Variants in CCND2 observed in about 807,000 individuals in gnomAD.
CCND2 encodes the protein cyclin D2, also known as G1/S-specific cyclin-D2.
Under a neutral mutation model 30.2 loss-of-function variants are expected in CCND2, and 6 were observed. The ratio of observed to expected loss-of-function variants is 0.20; its 90% CI spans 0.11 to 0.39. CCND2 has a LOEUF of 0.39. CCND2 is among the 10% of genes least tolerant of loss of function. CCND2 has a pLI of 1.00. For missense variants in CCND2, 235 were observed against 373.4 expected, an observed-to-expected ratio of 0.63 and a Z score of 3.06; for synonymous variants, 150 against 153.1, an observed-to-expected ratio of 0.98 and a Z score of 0.15.
At chr12:4,286,387 G>T (rs185250969) in intron 3 of CCND2, among the ~76,000 whole-genome samples, 1 of 152,234 alleles carries the variant, frequency 6.6e-6, no homozygotes. Flanking sequence ...ACAGTCCCAC[G>T]TCTGGACCTA....
In CCND2 at chr12:4,273,930, A is replaced by G; in HGVS notation, c.-111A>G. 4.6e-6 allele frequency: 5 copies of G among 1,079,092 alleles called. No individual in the cohort carries two copies. Among genetic ancestry groups the G allele is most frequent in the Non-Finnish European group, 6.5e-6 (5 of 764,610 alleles). The allele number at this position is 1,079,092 out of a possible 1,614,324, so 66.8% of individuals were successfully genotyped here. On this transcript the variant is annotated 5_prime_UTR_variant, in exon 1 of 5. Coordinates refer to ENST00000261254, the MANE Select transcript of CCND2 (RefSeq NM_001759.4). This position sits in a 1 kb window ranked among gnomAD's most constrained non-coding sequence, Gnocchi z 5.9. The stretch of plus-strand genomic sequence containing the variant: ...TCCCCCGAAAACCCCCTATTTAGCC[A>G]AAGGAAGGAGGTCAGGGGAACGCTC...
At position 4,287,325 on chromosome 12, in the gene CCND2, G is replaced by C. The variant is rs1385147027; in HGVS notation, c.572-1517G>C. 6.6e-6 allele frequency among the ~76,000 whole-genome samples: 1 copy of C among 152,194 alleles called. No homozygotes were observed. The highest frequency in any genetic ancestry group is 1.5e-5 in the Non-Finnish European group (1 of 68,026). ...TGGGGCAATGGGCTGACCATTAAAA[G>C]AGCTGCTGTAGAAAGTGTGTTTGTA... On this transcript the variant is annotated intron_variant, in intron 3 of 4. Transcript: ENST00000261254. This position sits in a 1 kb window ranked among gnomAD's most constrained non-coding sequence, Gnocchi z 4.0.
Position 4,302,806 on chromosome 12 carries a change from G to A in CCND2, c.*2797G>A, listed in dbSNP as rs1265952295. ...TGGGAAGTGTGTTTAGAAGGGTTCA[G>A]GACTTTGTGAGTTAGCATGACCCTA... is the stretch of plus-strand genomic sequence containing the variant. On this transcript the variant is annotated 3_prime_UTR_variant, in exon 5 of 5. Transcript: ENST00000261254. 2 of 233,224 alleles carry A rather than the reference G, an allele frequency of 8.6e-6. No homozygotes were observed. The highest frequency in any genetic ancestry group is 1.2e-4 in the East Asian group (2 of 16,608). The allele number at this position is 233,224 out of a possible 1,614,324, so 14.4% of individuals were successfully genotyped here. A position where few individuals can be genotyped will look rare whatever the true frequency, so the allele number is the denominator to read the frequency against.
In CCND2 at chr12:4,293,044, A is replaced by G. The variant is rs932123502; in HGVS notation, c.720+4054A>G. ...TAAGAGAGGAAGGGAAGAGGAAGGAAGGAGCAAAGGACAAAGGCAGGCAGA... is the reference window on the plus strand; with the variant it reads ...TAAGAGAGGAAGGGAAGAGGAAGGAGGGAGCAAAGGACAAAGGCAGGCAGA... On this transcript the variant is annotated intron_variant, in intron 4 of 4. Transcript: ENST00000261254. This position sits in a 1 kb window ranked among gnomAD's most constrained non-coding sequence, Gnocchi z 4.9. 2.3e-4 allele frequency among the ~76,000 whole-genome samples: 35 copies of G among 152,230 alleles called. No individual in the cohort carries two copies. Among genetic ancestry groups the G allele is most frequent in the African/African-American group, 7.7e-4 (32 of 41,452 alleles).
At chr12:4,277,521 C>T (rs963974684) in intron 2 of CCND2, among the ~76,000 whole-genome samples, 3 of 152,214 alleles carry the variant, frequency 2.0e-5, no homozygotes, top group Non-Finnish European at 2.9e-5. Context: ...TCATTTGTTT[C>T]GAGAGGATGG....
chr12:4,294,010 C>G (rs1864133838), intron 4 of CCND2, among the ~76,000 whole-genome samples: 1 of 152,178 alleles, frequency 6.6e-6, no homozygotes, highest in Non-Finnish European at 1.5e-5. Flanking sequence ...AGATAGTTTC[C>G]TAAGTTGTCT....
chr12:4,292,820 C>G (rs907285463), intron 4 of CCND2, among the ~76,000 whole-genome samples: 1 of 152,182 alleles, frequency 6.6e-6, no homozygotes, highest in African/African-American at 2.4e-5. Flanking sequence ...GAGGGTGCCA[C>G]TGGCCTGGGT....
Position 4,301,868 on chromosome 12 carries a change from G to A in CCND2, c.*1859G>A. ...GTTGAGATATGAGTTCTTCGTACTG[G>A]AAAAGCCCTTCCGTAGTTTGTTTTC... On this transcript the variant is annotated 3_prime_UTR_variant, in exon 5 of 5. Coordinates refer to ENST00000261254, the MANE Select transcript of CCND2 (RefSeq NM_001759.4). 4.3e-6 allele frequency: 1 copy of A among 231,718 alleles called. No homozygotes were observed. Among genetic ancestry groups the A allele is most frequent in the Non-Finnish European group, 8.5e-6 (1 of 117,478 alleles). 14.4% of individuals were successfully genotyped at this position (231,718 alleles called of 1,614,324 possible).
At position 4,291,465 on chromosome 12, in the gene CCND2, G is replaced by T. The variant is rs3217873; in HGVS notation, c.720+2475G>T. On this transcript the variant is annotated intron_variant, in intron 4 of 4. Transcript: ENST00000261254. ...TTTACTGAAGGCCCAGTTGTTGCTA[G>T]AAGTTGGGGTGGATGGTGGCATCTG... Among the ~76,000 whole-genome samples the T allele has an allele frequency of 3.9e-3, 593 of 152,270 alleles. 6 individuals carry two copies. The highest frequency in any genetic ancestry group is 0.014 in the African/African-American group (569 of 41,532).
At chr12:4,286,538 G>A (rs372399689) in intron 3 of CCND2, among the ~76,000 whole-genome samples, 1 of 152,198 alleles carries the variant, frequency 6.6e-6, no homozygotes, top group East Asian at 1.9e-4. Flanking sequence ...CTCCAGCGGC[G>A]TCTCTCCTCT....
intron 4 of CCND2, among the ~76,000 whole-genome samples, chr12:4,296,138 C>T (rs1007974891): frequency 3.3e-5 from 5 of 152,348 alleles, no homozygotes; most frequent in Admixed American, 6.5e-5. Flanking sequence ...GGCCTGAAAC[C>T]GAGTTCTTTC....
chr12:4,281,775 G>A (rs1863951289), intron 3 of CCND2, among the ~76,000 whole-genome samples: 1 of 152,122 alleles, frequency 6.6e-6, no homozygotes. Context: ...GAACATAGAG[G>A]GGCCGCGTAA....
intron 4 of CCND2, among the ~76,000 whole-genome samples, chr12:4,292,185 A>G (rs556265170): frequency 2.0e-5 from 3 of 152,198 alleles, no homozygotes; most frequent in East Asian, 1.9e-4. Context: ...GGATATATAT[A>G]TATGTATGTA....
At chr12:4,284,009 TC>T (rs891670095) in intron 3 of CCND2, among the ~76,000 whole-genome samples, 3 of 152,200 alleles carry the variant, frequency 2.0e-5, no homozygotes, top group Non-Finnish European at 4.4e-5. Flanking sequence ...CCCTCATTCT[TC>T]CTGGCCTGCT....
rs186270947 is a variant in CCND2, at chr12:4,291,189, A to T, written c.720+2199A>T. Among the ~76,000 whole-genome samples, 4 of 62,052 alleles carry T rather than the reference A, an allele frequency of 6.4e-5. No homozygotes were observed. The East Asian group carries it at 5.0e-3, about 77-fold the overall frequency. 40.7% of individuals were successfully genotyped at this position (62,052 alleles called of 152,430 possible). A position where few individuals can be genotyped will look rare whatever the true frequency, so the allele number is the denominator to read the frequency against. ...GAAAATGTTTTTAGTGGAAAGGTTC[A>T]AGCAGCTCTGGGCTAGGCTGTGTGT... On this transcript the variant is annotated intron_variant, in intron 4 of 4. Transcript: ENST00000261254.
Position 4,303,741 on chromosome 12 carries a change from G to A in CCND2, c.*3732G>A, listed in dbSNP as rs549233367. ...GAACACCCCATGCGTGCTGAGAGGC[G>A]AGCTCCTTGAAGAAGGGGCTGTTCT... On this transcript the variant is annotated 3_prime_UTR_variant, in exon 5 of 5. Coordinates refer to ENST00000261254, the MANE Select transcript of CCND2 (RefSeq NM_001759.4). This position sits in a 1 kb window ranked among gnomAD's most constrained non-coding sequence, Gnocchi z 4.6. The A allele has an allele frequency of 1.3e-5, 3 of 233,522 alleles. No homozygotes were observed. The highest frequency in any genetic ancestry group is 1.3e-3 in the Middle Eastern group (1 of 786). 14.5% of individuals were successfully genotyped at this position (233,522 alleles called of 1,614,324 possible).
rs1475478302 is a variant in CCND2, at chr12:4,305,207, T to C, written c.*5198T>C. ...ATGATGGTGACATGATATAGTCAGC[T>C]GCCTTTTAAGAGGTCTTATCTGTTC... On this transcript the variant is annotated 3_prime_UTR_variant, in exon 5 of 5. Transcript: ENST00000261254. This position sits in a 1 kb window ranked among gnomAD's most constrained non-coding sequence, Gnocchi z 6.4. 4.3e-6 allele frequency: 1 copy of C among 233,106 alleles called. No homozygotes were observed. The highest frequency in any genetic ancestry group is 8.5e-6 in the Non-Finnish European group (1 of 117,816). The allele number at this position is 233,106 out of a possible 1,614,324, so 14.4% of individuals were successfully genotyped here. A position where few individuals can be genotyped will look rare whatever the true frequency, so the allele number is the denominator to read the frequency against.
At chr12:4,297,561 A>C (rs1258850757) in intron 4 of CCND2, among the ~76,000 whole-genome samples, 2 of 125,546 alleles carry the variant, frequency 1.6e-5, no homozygotes, top group African/African-American at 3.0e-5. Context: ...ACAGAGCAAC[A>C]CTCTGTCTCA....
rs1254772333 is a variant in CCND2, at chr12:4,282,534, G to C, written c.571+3615G>C. 6.6e-6 allele frequency among the ~76,000 whole-genome samples: 1 copy of C among 152,210 alleles called. No individual in the cohort carries two copies. The highest frequency in any genetic ancestry group is 2.4e-5 in the African/African-American group (1 of 41,442). On this transcript the variant is annotated intron_variant, in intron 3 of 4. Coordinates refer to ENST00000261254, the MANE Select transcript of CCND2 (RefSeq NM_001759.4). The surrounding 1 kb of genome is among the most constrained non-coding windows in gnomAD (Gnocchi z 4.3). Reference sequence around the variant, plus strand: ...AGTGGGAGATTTCGCCTTGATGGGTGCTGGGAAGGAAGAATGGAAACCCGT... The same window carrying C: ...AGTGGGAGATTTCGCCTTGATGGGTCCTGGGAAGGAAGAATGGAAACCCGT...
Sources: allele counts gnomAD v4.1 joint callset (sites outside exome capture counted in the v4.1 genomes callset), GRCh38; gene constraint gnomAD v4.1.1; non-coding constraint Gnocchi (gnomAD v3.1); transcripts MANE v1.5; gene names NCBI Gene and HGNC (gene_info 2026-07-23, HGNC 2026-07-21).